ACTA2: variants seen among roughly 807,000 people sequenced by gnomAD.
ACTA2 encodes actin alpha 2, smooth muscle.
A neutral mutation model predicts 39.5 loss-of-function variants in ACTA2; 12 were observed. The observed-to-expected ratio is 0.30, with a 90% confidence interval of 0.19 to 0.49. The LOEUF is 0.49. Among genes scored for constraint, ACTA2 ranks in the 20% least tolerant of loss-of-function variants. ACTA2 has a pLI of 0.99. For synonymous variants in ACTA2, 158 were observed against 180.6 expected (o/e 0.88, Z 1.00); for missense variants, 236 against 498.8 (o/e 0.47, Z 5.02).
Position 88,990,996 on chromosome 10 carries a change from G to C in ACTA2, c.-81C>G, listed in dbSNP as rs1488183371. ...GCGGGCGCGGGACGCGTGCGGGATTGCGGCGGCAGCGGCGCACGCGGGCAC... is the reference window on the plus strand; with the variant it reads ...GCGGGCGCGGGACGCGTGCGGGATTCCGGCGGCAGCGGCGCACGCGGGCAC... On this transcript the variant is annotated 5_prime_UTR_variant, in exon 1 of 5. Coordinates refer to the ACTA2 transcript ENST00000415557. This position sits in a 1 kb window ranked among gnomAD's most constrained non-coding sequence, Gnocchi z 4.9. 2 of 1,567,416 alleles carry C rather than the reference G, an allele frequency of 1.3e-6. No individual in the cohort carries two copies. The highest frequency in any genetic ancestry group is 1.8e-6 in the Non-Finnish European group (2 of 1,142,344).
At chr10:88,980,859 T>C (rs905011386) in intron 1 of ACTA2, among the ~76,000 whole-genome samples, 4 of 152,182 alleles carry the variant, frequency 2.6e-5, no homozygotes, top group Non-Finnish European at 5.9e-5. Context: ...AGAGATAATT[T>C]TCCCAGACTC....
intron 1 of ACTA2, among the ~76,000 whole-genome samples, chr10:88,978,482 A>G (rs1005223606): frequency 1.3e-5 from 2 of 152,254 alleles, no homozygotes; most frequent in African/African-American, 2.4e-5. Flanking sequence ...TTGAGAAAAC[A>G]TAACTGTGAA....
At chr10:88,952,529 C>A (rs1245683529) in intron 1 of ACTA2, among the ~76,000 whole-genome samples, 2 of 152,226 alleles carry the variant, frequency 1.3e-5, no homozygotes, top group Non-Finnish European at 1.5e-5. Context: ...CCCCTTCCAT[C>A]ATACCAAACT....
At chr10:88,937,710 T>TA (rs1002566681) in intron 8 of ACTA2, among the ~76,000 whole-genome samples, 1 of 152,186 alleles carries the variant, frequency 6.6e-6, no homozygotes, top group Non-Finnish European at 1.5e-5. Context: ...TCAGTATTTT[T>TA]AAAAAATGTG....
chr10:88,969,101 A>G (rs561858355), intron 1 of ACTA2, among the ~76,000 whole-genome samples: 46 of 151,966 alleles, frequency 3.0e-4, no homozygotes, highest in Non-Finnish European at 5.4e-4. Flanking sequence ...TTTCTCTCTT[A>G]TTAAATAATA....
At chr10:88,976,069 C>T (rs1447704649) in intron 1 of ACTA2, among the ~76,000 whole-genome samples, 1 of 152,174 alleles carries the variant, frequency 6.6e-6, no homozygotes, top group Non-Finnish European at 1.5e-5. Flanking sequence ...TTACTATTAT[C>T]AATTAGTTAT....
chr10:88,975,864 T>G (rs561774571), intron 1 of ACTA2, among the ~76,000 whole-genome samples: 8 of 152,260 alleles, frequency 5.3e-5, no homozygotes, highest in African/African-American at 1.9e-4. Flanking sequence ...GCACTATCAG[T>G]ATACAGTACT....
At chr10:88,979,767 T>C (rs1439626663) in intron 1 of ACTA2, among the ~76,000 whole-genome samples, 2 of 152,206 alleles carry the variant, frequency 1.3e-5, no homozygotes, top group Non-Finnish European at 2.9e-5. Flanking sequence ...TTGCTAGCCA[T>C]TTGTTTAGTC....
At chr10:88,989,491 G>A (rs759824902) in intron 1 of ACTA2, 1 of 543,930 alleles carries the variant, frequency 1.8e-6, no homozygotes. Flanking sequence ...TGTGCACAAG[G>A]CTGGCACGCC....
chr10:88,987,285 AATT>A (rs1285086274), intron 1 of ACTA2, among the ~76,000 whole-genome samples: 3 of 152,240 alleles, frequency 2.0e-5, no homozygotes, highest in Non-Finnish European at 2.9e-5. Context: ...GTAACAAAAG[AATT>A]ATTATACTGA....
intron 3 of ACTA2, among the ~76,000 whole-genome samples, chr10:88,944,689 G>A (rs1845915101): frequency 6.6e-6 from 1 of 152,172 alleles, no homozygotes; most frequent in South Asian, 2.1e-4. Flanking sequence ...GCCTTCAGGT[G>A]TTTCCAAAAG....
Position 88,990,941 on chromosome 10 carries a change from C to T in ACTA2, c.-26G>A. On this transcript the variant is annotated splice_region_variant and 5_prime_UTR_variant, in exon 1 of 5. Coordinates refer to the ACTA2 transcript ENST00000415557. This position sits in a 1 kb window ranked among gnomAD's most constrained non-coding sequence, Gnocchi z 4.9. ...CTCCTGCCCGGGTGGAGGCTTACCC[C>T]GTCTTAGTCCCGGGGATAGGCAAAG... 6.2e-7 allele frequency: 1 copy of T among 1,614,036 alleles called. No homozygotes were observed. The highest frequency in any genetic ancestry group is 1.1e-5 in the South Asian group (1 of 91,082).
In ACTA2 at chr10:88,967,299, G is replaced by C. The variant is rs149007261; in HGVS notation, c.-23-18346C>G. ...ATGATAAAAGGCATCATCAGGTAGG[G>C]GCAAGAGTATGGACTCTGGAGGTAG... On this transcript the variant is annotated intron_variant, in intron 1 of 4. Transcript: ENST00000415557. Among the ~76,000 whole-genome samples the C allele has an allele frequency of 3.3e-3, 497 of 152,236 alleles. 4 individuals are homozygous for C. Among genetic ancestry groups the C allele is most frequent in the African/African-American group, 0.011 (473 of 41,552 alleles).
intron 1 of ACTA2, among the ~76,000 whole-genome samples, chr10:88,968,767 T>C (rs546992325): frequency 1.2e-4 from 19 of 152,326 alleles, no homozygotes; most frequent in South Asian, 1.2e-3. Context: ...GCTGTTGATA[T>C]AGGCATTTCT....
In ACTA2 at chr10:88,941,873, C is replaced by G. The variant is rs777243762; in HGVS notation, c.370-4G>C. 1.9e-6 allele frequency: 3 copies of G among 1,608,420 alleles called. No homozygotes were observed. Among genetic ancestry groups the G allele is most frequent in the Admixed American group, 1.7e-5 (1 of 59,374 alleles). On this transcript the variant is annotated splice_polypyrimidine_tract_variant and splice_region_variant and intron_variant, in intron 4 of 8. Coordinates refer to ENST00000224784, the MANE Select transcript of ACTA2 (RefSeq NM_001613.4). ...CATTGAAAGTCTCAAACATAATCTG[C>G]AAAGCAATCCAAAGAGCTGAGTTAG...
intron 1 of ACTA2, among the ~76,000 whole-genome samples, chr10:88,984,643 C>T (rs1454923853): frequency 6.6e-6 from 1 of 151,672 alleles, no homozygotes; most frequent in African/African-American, 2.4e-5. Flanking sequence ...TGATGTGGTC[C>T]ATGCTCTCTG....
intron 3 of ACTA2, among the ~76,000 whole-genome samples, chr10:88,945,512 C>T (rs1451209900): frequency 6.6e-6 from 1 of 152,008 alleles, no homozygotes; most frequent in Admixed American, 6.6e-5. Flanking sequence ...GTCACTTTCT[C>T]ATTATTTCTT....
chr10:88,940,587 A>G (rs1210407453), intron 6 of ACTA2: 1 of 166,536 alleles, frequency 6.0e-6, no homozygotes, highest in African/African-American at 2.4e-5. Context: ...CACTGAGGAC[A>G]TACAATGTTT....
intron 1 of ACTA2, among the ~76,000 whole-genome samples, chr10:88,949,720 T>C (rs1846016238): frequency 6.6e-6 from 1 of 152,220 alleles, no homozygotes; most frequent in South Asian, 2.1e-4. Context: ...CAAAAGGTAG[T>C]TCTTATGTAA....
Sources: allele counts gnomAD v4.1 joint callset (sites outside exome capture counted in the v4.1 genomes callset), GRCh38; gene constraint gnomAD v4.1.1; non-coding constraint Gnocchi (gnomAD v3.1); transcripts MANE v1.5; gene names NCBI Gene and HGNC (gene_info 2026-07-23, HGNC 2026-07-21).